The following ADAM28 variants were observed in gnomAD, a reference collection of about 807,000 sequenced individuals.
ADAM28 encodes disintegrin and metalloproteinase domain-containing protein 28.
ADAM28 carries 105 observed loss-of-function variants against 101.2 expected under a neutral mutation model. The observed-to-expected ratio is 1.04, with a 90% CI of 0.89 to 1.22. ADAM28 has a LOEUF of 1.22. Among genes scored for constraint, ADAM28 ranks in the 50% most tolerant of loss-of-function variants. ADAM28 has a pLI of 0.00. For synonymous variants in ADAM28, 322 were observed against 310.6 expected, an observed-to-expected ratio of 1.04 and a Z score of -0.39; for missense variants, 1,028 against 945.4, an observed-to-expected ratio of 1.09 and a Z score of -1.15.
intron 10 of ADAM28, 106 bp from the exon 11 acceptor site, chr8:24,329,878 TG>T: frequency 1.1e-6 from 1 of 939,014 alleles, no homozygotes; most frequent in East Asian, 2.5e-5. Flanking sequence ...TTTGTGTGTG[TG>T]TGTGTGTGAG....
intron 16 of ADAM28, among the ~76,000 whole-genome samples, chr8:24,342,316 G>C (rs1814879454): frequency 6.6e-6 from 1 of 152,090 alleles, no homozygotes; most frequent in African/African-American, 2.4e-5. Context: ...ATTTTTCACT[G>C]TGGTAAAGCC....
intron 15 of ADAM28, 93 bp from the exon 16 acceptor site, chr8:24,341,505 G>A (rs1814758467): frequency 7.5e-7 from 1 of 1,325,626 alleles, no homozygotes; most frequent in Non-Finnish European, 1.0e-6. Context: ...TCGGCTACAG[G>A]GAAAAATACC....
rs149883927 is a variant in ADAM28 at position 24,307,396 on chromosome 8, C to T, written c.151-2498C>T. Among the ~76,000 whole-genome samples, 136 of 152,290 alleles carry T rather than the reference C, an allele frequency of 8.9e-4. 1 individual carries two copies. Among genetic ancestry groups the T allele is most frequent in the African/African-American group, 2.8e-3 (116 of 41,552 alleles). ...GTCAGCTACGCCAGGGTTGTGACGT[C>T]ATCTTTCTGACTTGATCACACATGC... On this transcript the variant is annotated intron_variant, in intron 2 of 22. Transcript: ENST00000265769.
chr8:24,308,365 T>C (rs1809988697), intron 2 of ADAM28, among the ~76,000 whole-genome samples: 1 of 115,212 alleles, frequency 8.7e-6, no homozygotes. Context: ...CATCTTTCCT[T>C]CCATCCATAA....
chr8:24,356,659 G>A lies in ADAM28; in HGVS notation c.*2255G>A, dbSNP rs879231669. ...ACTGTTTCCACACTTACTTATATCC[G>A]TAACTTTCTAACTTTAAGGGAATTC... On this transcript the variant is annotated 3_prime_UTR_variant, in exon 23 of 23. Transcript: ENST00000265769. 2.0e-5 allele frequency: 3 copies of A among 152,214 alleles called. No individual in the cohort carries two copies. Among genetic ancestry groups the A allele is most frequent in the South Asian group, 4.1e-4 (2 of 4,820 alleles). 9.4% of individuals were successfully genotyped at this position (152,214 alleles called of 1,614,324 possible).
rs1187967554 is a variant in ADAM28, at chr8:24,355,472, T to C, written c.*1068T>C. On this transcript the variant is annotated 3_prime_UTR_variant, in exon 23 of 23. Transcript: ENST00000265769. ...TCAATTAAAATAACCTCATTTTTCCTTGCTAGTGGTCGACTTGGAGATGAT... is the reference window on the plus strand; with the variant it reads ...TCAATTAAAATAACCTCATTTTTCCCTGCTAGTGGTCGACTTGGAGATGAT... 2 of 152,064 alleles carry C rather than the reference T, an allele frequency of 1.3e-5. No individual in the cohort carries two copies. The highest frequency in any genetic ancestry group is 2.9e-5 in the Non-Finnish European group (2 of 67,992). 9.4% of individuals were successfully genotyped at this position (152,064 alleles called of 1,614,324 possible). A position where few individuals can be genotyped will look rare whatever the true frequency, so the allele number is the denominator to read the frequency against.
intron 13 of ADAM28, among the ~76,000 whole-genome samples, chr8:24,333,567 A>G (rs917616021): frequency 2.0e-5 from 3 of 152,234 alleles, no homozygotes; most frequent in Admixed American, 6.5e-5. Context: ...CCCAAGTGTG[A>G]TCATCTCCAA....
chr8:24,314,048 C>T (rs565919607), intron 6 of ADAM28, among the ~76,000 whole-genome samples: 1 of 152,170 alleles, frequency 6.6e-6, no homozygotes, highest in East Asian at 1.9e-4. Flanking sequence ...TGAGCCACCG[C>T]ACTTAGCCGG....
At chr8:24,301,348 AC>A (rs1380253866) in intron 2 of ADAM28, among the ~76,000 whole-genome samples, 1 of 152,096 alleles carries the variant, frequency 6.6e-6, no homozygotes, top group Non-Finnish European at 1.5e-5. Context: ...AATGTCAGAC[AC>A]CTTTTTTCCT....
intron 18 of ADAM28, among the ~76,000 whole-genome samples, chr8:24,349,657 T>C (rs1439426389): frequency 6.6e-6 from 1 of 152,196 alleles, no homozygotes; most frequent in East Asian, 1.9e-4. Context: ...GTTAAATGTT[T>C]CCTATAGATT....
chr8:24,322,523 C>T (rs180783867), intron 8 of ADAM28: 4 of 152,120 alleles, frequency 2.6e-5, no homozygotes, highest in East Asian at 1.9e-4. Context: ...TTTGCTGGAA[C>T]GCGTTAAGGA....
At chr8:24,308,351 C>T (rs1183618980) in intron 2 of ADAM28, among the ~76,000 whole-genome samples, 2 of 149,018 alleles carry the variant, frequency 1.3e-5, no homozygotes, top group Admixed American at 1.3e-4. Context: ...TGGCTTTCTT[C>T]CTTCATCTTT....
intron 2 of ADAM28, among the ~76,000 whole-genome samples, chr8:24,304,356 T>G (rs189738616): frequency 1.3e-5 from 2 of 151,742 alleles, no homozygotes; most frequent in African/African-American, 4.8e-5. Flanking sequence ...AACCTTACAT[T>G]TTCCTGATCC....
Position 24,294,123 on chromosome 8 carries a change from G to T in ADAM28, c.-27G>T. ...AGCACCCACCTGAGCGAGAAGAGCAGACACCGTGCTCCTGGAATCACCCAG... is the reference window on the plus strand; with the variant it reads ...AGCACCCACCTGAGCGAGAAGAGCATACACCGTGCTCCTGGAATCACCCAG... On this transcript the variant is annotated 5_prime_UTR_variant, in exon 1 of 23. Coordinates refer to ENST00000265769, the MANE Select transcript of ADAM28 (RefSeq NM_014265.6). 3 of 1,614,022 alleles carry T rather than the reference G, an allele frequency of 1.9e-6. No homozygotes were observed. The highest frequency in any genetic ancestry group is 2.5e-6 in the Non-Finnish European group (3 of 1,179,936).
rs777716294 is a variant in ADAM28, at chr8:24,357,079, G to A, written c.*2675G>A. ...AAGAAAATGAGCCCCTGAGTTCAAC[G>A]ACCCTCAAATGAAGTGAAGTCTACC... On this transcript the variant is annotated 3_prime_UTR_variant, in exon 23 of 23. Coordinates refer to ENST00000265769, the MANE Select transcript of ADAM28 (RefSeq NM_014265.6). 1.3e-5 allele frequency: 2 copies of A among 152,072 alleles called. No individual in the cohort carries two copies. The highest frequency in any genetic ancestry group is 2.9e-5 in the Non-Finnish European group (2 of 68,014). 9.4% of individuals were successfully genotyped at this position (152,072 alleles called of 1,614,324 possible).
Position 24,319,146 on chromosome 8 carries a change from T to C in ADAM28, c.577-1090T>C, listed in dbSNP as rs145708109. Among the ~76,000 whole-genome samples, 622 of 152,138 alleles carry C rather than the reference T, an allele frequency of 4.1e-3. 6 individuals are homozygous for C. The highest frequency in any genetic ancestry group is 0.014 in the African/African-American group (594 of 41,550). ...TATGCTCTAAATATGCCAATACTAT[T>C]TCACCTTGGAGTCTATTTACTCATT... On this transcript the variant is annotated intron_variant, in intron 6 of 22. Transcript: ENST00000265769.
intron 10 of ADAM28, 68 bp from the exon 11 acceptor site, chr8:24,329,917 T>C: frequency 3.5e-6 from 5 of 1,414,362 alleles, no homozygotes; most frequent in South Asian, 1.3e-5. Context: ...GAGAGAGAGA[T>C]GGCAAGTAGA....
At chr8:24,305,893 G>A (rs1279101355) in intron 2 of ADAM28, among the ~76,000 whole-genome samples, 1 of 151,996 alleles carries the variant, frequency 6.6e-6, no homozygotes, top group Non-Finnish European at 1.5e-5. Context: ...TCAGGTGTCA[G>A]GTGACACCTT....
Position 24,310,155 on chromosome 8 carries a change from T to G in ADAM28, c.228-8T>G, listed in dbSNP as rs1213854872. ...GTAACCACAACATTTTTGTGTTTCTTTCTCCAGGAACCTCCTTGCACCAGG... is the reference window on the plus strand; with the variant it reads ...GTAACCACAACATTTTTGTGTTTCTGTCTCCAGGAACCTCCTTGCACCAGG... On this transcript the variant is annotated splice_region_variant and splice_polypyrimidine_tract_variant and intron_variant, in intron 3 of 22. Coordinates refer to ENST00000265769, the MANE Select transcript of ADAM28 (RefSeq NM_014265.6). 2 of 1,612,974 alleles carry G rather than the reference T, an allele frequency of 1.2e-6. No individual in the cohort carries two copies. Among genetic ancestry groups the G allele is most frequent in the Admixed American group, 3.3e-5 (2 of 59,872 alleles).
Sources: allele counts gnomAD v4.1 joint callset (sites outside exome capture counted in the v4.1 genomes callset), GRCh38; gene constraint gnomAD v4.1.1; transcripts MANE v1.5; gene names NCBI Gene and HGNC (gene_info 2026-07-23, HGNC 2026-07-21).